Variants in CCDC39 observed in about 807,000 individuals in gnomAD.
The protein encoded by CCDC39 is coiled-coil domain 39 molecular ruler complex subunit.
In CCDC39, 113 loss-of-function variants were observed where a neutral mutation model predicts 121.0. The ratio of observed to expected loss-of-function variants is 0.93; its 90% CI spans 0.80 to 1.09. CCDC39 has a LOEUF of 1.09. Ranked by LOEUF, CCDC39 falls within the 50% of genes least tolerant of loss-of-function variation. CCDC39 has a pLI of 0.00. For synonymous variants in CCDC39, 349 were observed against 352.2 expected, an observed-to-expected ratio of 0.99 and a Z score of 0.10; for missense variants, 1,063 against 1,074.7, an observed-to-expected ratio of 0.99 and a Z score of 0.15.
intron 9 of CCDC39, among the ~76,000 whole-genome samples, chr3:180,650,143 T>C: frequency 6.6e-6 from 1 of 152,272 alleles, no homozygotes; most frequent in Admixed American, 6.5e-5. Flanking sequence ...ACACTTATAG[T>C]TCACACTTAT....
intron 6 of CCDC39, among the ~76,000 whole-genome samples, chr3:180,657,672 T>G (rs1419924558): frequency 6.6e-6 from 1 of 152,216 alleles, no homozygotes; most frequent in African/African-American, 2.4e-5. Flanking sequence ...ACCCTGCAGC[T>G]CAACAATGTA....
rs1391129842 is a variant in CCDC39, at chr3:180,648,311, C to T, written c.1216G>A (p.Ala406Thr). The T allele has an allele frequency of 6.2e-7, 1 of 1,606,432 alleles. No homozygotes were observed. Residue 406 changes from alanine to threonine, a missense_variant, in exon 10 of 20, where the codon GCT (alanine) becomes ACT (threonine). Transcript: ENST00000476379. ...ATTGTCTCAGTCTGTAACTCCTGAG[C>T]TTTCTTAAACAGCACACCTTTTATG... is the stretch of plus-strand genomic sequence containing the variant. Reference protein sequence around the residue: ...NLIKGVLFKKAQELQTETMKE... With the variant: ...NLIKGVLFKKTQELQTETMKE...
intron 14 of CCDC39, among the ~76,000 whole-genome samples, chr3:180,628,123 T>A (rs1717606558): frequency 6.6e-6 from 1 of 152,172 alleles, no homozygotes. Context: ...GAGAGAGGCA[T>A]AGAACAGGTT....
chr3:180,655,796 T>C (rs1274476467), intron 6 of CCDC39, among the ~76,000 whole-genome samples: 2 of 152,182 alleles, frequency 1.3e-5, no homozygotes, highest in African/African-American at 4.8e-5. Flanking sequence ...GATCAACTTT[T>C]AAGCAATGTG....
chr3:180,639,731 G>T (rs537756198), intron 13 of CCDC39, among the ~76,000 whole-genome samples: 1 of 152,004 alleles, frequency 6.6e-6, no homozygotes, highest in African/African-American at 2.4e-5. Flanking sequence ...TACTGCTAAA[G>T]AACTTATCTG....
At chr3:180,671,127 C>T (rs947555193) in intron 1 of CCDC39, among the ~76,000 whole-genome samples, 18 of 149,944 alleles carry the variant, frequency 1.2e-4, no homozygotes, top group African/African-American at 4.4e-4. Context: ...CACAAGAATG[C>T]TTGAGCCTGG....
intron 12 of CCDC39, among the ~76,000 whole-genome samples, chr3:180,643,100 T>C (rs909204288): frequency 1.3e-5 from 2 of 151,772 alleles, no homozygotes; most frequent in African/African-American, 2.4e-5. Flanking sequence ...GCTGGGACTA[T>C]AGGCGCCCGC....
Position 180,625,904 on chromosome 3 carries a change from G to A in CCDC39, c.1998+5565C>T, listed in dbSNP as rs553705064. 2.0e-5 allele frequency among the ~76,000 whole-genome samples: 3 copies of A among 152,080 alleles called. No individual in the cohort carries two copies. In the South Asian group the frequency reaches 6.2e-4, roughly 32 times the overall value. The stretch of plus-strand genomic sequence containing the variant: ...AGTGTATCTATTCTCAGGCCAGAGA[G>A]TAGCTTATACTGTCACTGGTGTTAG... On this transcript the variant is annotated intron_variant, in intron 14 of 19. Coordinates refer to ENST00000476379, the MANE Select transcript of CCDC39 (RefSeq NM_181426.2).
intron 14 of CCDC39, 64 bp downstream of exon 14, chr3:180,631,402 GGAT>G (rs1717691066): frequency 7.3e-7 from 1 of 1,371,424 alleles, no homozygotes; most frequent in Admixed American, 2.0e-5. Context: ...TAAATTCAGA[GGAT>G]TATGATGAAT....
intron 10 of CCDC39, 72 bp downstream of exon 10, chr3:180,648,093 G>T: frequency 8.1e-7 from 1 of 1,233,934 alleles, no homozygotes; most frequent in Non-Finnish European, 1.1e-6. Context: ...TGTTTTCTTA[G>T]AACATGGCGT....
chr3:180,651,414 T>A lies in CCDC39; in HGVS notation c.1154A>T (p.Glu385Val). 1.9e-6 allele frequency: 3 copies of A among 1,557,332 alleles called. No individual in the cohort carries two copies. The highest frequency in any genetic ancestry group is 2.6e-6 in the Non-Finnish European group (3 of 1,149,574). ...ACTAAACTTTACCTTCACATCTTTT[T>A]CCTCCTCCTTTAGCATATCTTCCAA... is the stretch of plus-strand genomic sequence containing the variant. ...TNLEDMLKEE[E>V]KDVKEVDVQL... The change falls in exon 9 of 20, where the codon GAA (glutamate) becomes GTA (valine). Residue 385 changes from glutamate (E) to valine (V), a missense_variant. Glu to Val is a moderately radical substitution (Grantham distance 121). Transcript: ENST00000476379.
chr3:180,618,237 G>C (rs1717322520), intron 16 of CCDC39, among the ~76,000 whole-genome samples: 1 of 152,082 alleles, frequency 6.6e-6, no homozygotes, highest in Non-Finnish European at 1.5e-5. Context: ...ATGCATGACT[G>C]TATAATGGTT....
At chr3:180,633,967 A>G (rs1717763035) in intron 13 of CCDC39, among the ~76,000 whole-genome samples, 1 of 152,110 alleles carries the variant, frequency 6.6e-6, no homozygotes, top group Non-Finnish European at 1.5e-5. Context: ...CTCTGCCACG[A>G]CCACAGCAGC....
intron 1 of CCDC39, among the ~76,000 whole-genome samples, chr3:180,677,168 TTATATATATATATATATATA>T (rs58408770): frequency 0.018 from 621 of 35,178 alleles, 38 homozygotes; most frequent in African/African-American, 0.044. Context: ...AATAATAATT[TTATATATATATATATATATA>T]TATATATATA....
At chr3:180,675,821 A>G (rs1712183184) in intron 1 of CCDC39, among the ~76,000 whole-genome samples, 1 of 152,108 alleles carries the variant, frequency 6.6e-6, no homozygotes, top group South Asian at 2.1e-4. Context: ...AACAGAATAG[A>G]GCCCTCAGAA....
In CCDC39 at chr3:180,614,928, C is replaced by G. The variant is rs1262552286; in HGVS notation, c.2819G>C (p.Ser940Thr). Residue 940 changes from serine to threonine, a missense_variant, in exon 20 of 20, where the codon AGC (serine) becomes ACC (threonine). Transcript: ENST00000476379. ...CAGAAGAGATTAAAATGTTTATTTG[C>G]TGCTCTTTTTGCTCTTAACATTACT... Reference protein sequence around the residue: ...SSSNVKSKKSSK With the variant: ...SSSNVKSKKSTK 6.4e-7 allele frequency: 1 copy of G among 1,559,644 alleles called. No homozygotes were observed. Among genetic ancestry groups the G allele is most frequent in the Non-Finnish European group, 8.7e-7 (1 of 1,150,450 alleles).
intron 14 of CCDC39, among the ~76,000 whole-genome samples, chr3:180,626,746 A>C (rs1190945423): frequency 1.3e-5 from 2 of 151,804 alleles, no homozygotes; most frequent in East Asian, 1.9e-4. Context: ...AGTTGTGAGG[A>C]GTGCAGTCTT....
At chr3:180,622,233 G>C (rs1717447949) in intron 14 of CCDC39, among the ~76,000 whole-genome samples, 1 of 152,008 alleles carries the variant, frequency 6.6e-6, no homozygotes, top group South Asian at 2.1e-4. Flanking sequence ...TTAGTGTTTA[G>C]AAATGCTATG....
intron 13 of CCDC39, among the ~76,000 whole-genome samples, chr3:180,632,480 A>G (rs925849969): frequency 1.3e-5 from 2 of 152,190 alleles, no homozygotes; most frequent in African/African-American, 4.8e-5. Flanking sequence ...AGATATATTT[A>G]GTGTCATAAG....
Sources: gnomAD v4.1 joint callset for allele counts (sites outside exome capture counted in the v4.1 genomes callset) on GRCh38, gnomAD v4.1.1 for gene constraint, MANE v1.5 for transcripts, NCBI Gene and HGNC (gene_info 2026-07-23, HGNC 2026-07-21) for gene names.